The following RUNX2 variants were observed in gnomAD, a reference collection of about 807,000 sequenced individuals.
RUNX2 encodes the protein RUNX family transcription factor 2.
Under a neutral mutation model 51.7 loss-of-function variants are expected in RUNX2, and 10 were observed. That is an observed-to-expected ratio of 0.19 (90% CI 0.12 to 0.33). The LOEUF (loss-of-function observed/expected upper bound fraction) is 0.33, where lower values mean the gene tolerates loss of function less well. Ranked by LOEUF, RUNX2 falls within the 10% of genes least tolerant of loss-of-function variation. The pLI is 1.00. For missense variants in RUNX2, 562 were observed against 691.3 expected, an observed-to-expected ratio of 0.81 and a Z score of 2.10; for synonymous variants, 276 against 273.6, an observed-to-expected ratio of 1.01 and a Z score of -0.09.
intron 3 of RUNX2, among the ~76,000 whole-genome samples, chr6:45,427,526 A>T (rs1798416971): frequency 1.3e-5 from 2 of 152,264 alleles, no homozygotes; most frequent in South Asian, 4.1e-4. Context: ...ACTGTATTTG[A>T]AGTTATCTTT....
intron 6 of RUNX2, among the ~76,000 whole-genome samples, chr6:45,510,315 G>A (rs1300226277): frequency 6.6e-6 from 1 of 152,102 alleles, no homozygotes; most frequent in Non-Finnish European, 1.5e-5. Flanking sequence ...GCAAACTCAG[G>A]TAAATGTTCT....
chr6:45,511,621 C>G (rs572354436), intron 6 of RUNX2, among the ~76,000 whole-genome samples: 9 of 152,224 alleles, frequency 5.9e-5, no homozygotes, highest in South Asian at 2.1e-4. Flanking sequence ...GTTCATCTTA[C>G]GTGCTGCCCC....
At chr6:45,521,703 C>T (rs1010923586) in intron 7 of RUNX2, among the ~76,000 whole-genome samples, 1 of 152,130 alleles carries the variant, frequency 6.6e-6, no homozygotes, top group Non-Finnish European at 1.5e-5. Flanking sequence ...CCTGTATGCC[C>T]CACCTCTGCC....
chr6:45,405,643 G>A (rs1314907257), intron 2 of RUNX2, among the ~76,000 whole-genome samples: 1 of 152,114 alleles, frequency 6.6e-6, no homozygotes, highest in East Asian at 1.9e-4. Context: ...ACAAAAATTA[G>A]CCGGGCGGTG....
At chr6:45,358,684 T>C (rs1273839609) in intron 2 of RUNX2, among the ~76,000 whole-genome samples, 1 of 152,198 alleles carries the variant, frequency 6.6e-6, no homozygotes, top group African/African-American at 2.4e-5. Context: ...AGGTTCACAG[T>C]CTCTTATCTG....
At chr6:45,404,259 CA>C (rs34529128) in intron 2 of RUNX2, among the ~76,000 whole-genome samples, 20 of 27,684 alleles carry the variant, frequency 7.2e-4, no homozygotes, top group East Asian at 1.3e-3. Context: ...GACTCTGTCT[CA>C]AAAAAAAAAA....
intron 5 of RUNX2, among the ~76,000 whole-genome samples, chr6:45,450,628 G>C (rs1799141326): frequency 6.6e-6 from 1 of 152,176 alleles, no homozygotes; most frequent in African/African-American, 2.4e-5. Flanking sequence ...ACCTATTGAA[G>C]AGTGGTCCAA....
chr6:45,523,662 C>T (rs1054421941), intron 7 of RUNX2, among the ~76,000 whole-genome samples: 3 of 151,360 alleles, frequency 2.0e-5, no homozygotes, highest in Admixed American at 1.3e-4. Flanking sequence ...TAGGCTGGTG[C>T]GGTGGCTCAC....
chr6:45,506,453 C>T (rs963106658), intron 6 of RUNX2, among the ~76,000 whole-genome samples: 17 of 152,104 alleles, frequency 1.1e-4, no homozygotes, highest in African/African-American at 3.6e-4. Flanking sequence ...TCAGATTTCC[C>T]AAGCACTCAA....
At chr6:45,373,547 G>T (rs74867681) in intron 2 of RUNX2, among the ~76,000 whole-genome samples, 3,049 of 150,894 alleles carry the variant, frequency 0.02, 57 homozygotes, top group South Asian at 0.086. Context: ...AATATTATTT[G>T]TGTGTGTGTG....
intron 2 of RUNX2, among the ~76,000 whole-genome samples, chr6:45,405,554 C>T (rs1015272922): frequency 2.6e-5 from 4 of 152,200 alleles, no homozygotes; most frequent in East Asian, 3.9e-4. Flanking sequence ...TTTGGGAGGC[C>T]GAGGCAGGGG....
chr6:45,392,153 A>G (rs912043397), intron 2 of RUNX2, among the ~76,000 whole-genome samples: 1 of 152,186 alleles, frequency 6.6e-6, no homozygotes, highest in African/African-American at 2.4e-5. Context: ...GCCTTCAAGA[A>G]ATCTGCACGC....
intron 2 of RUNX2, among the ~76,000 whole-genome samples, chr6:45,352,659 T>C (rs73735384): frequency 6.6e-6 from 1 of 152,176 alleles, no homozygotes. Flanking sequence ...ATGGAGCAAC[T>C]GTACCTAGTA....
At chr6:45,534,306 A>C (rs939914540) in intron 7 of RUNX2, among the ~76,000 whole-genome samples, 4 of 152,166 alleles carry the variant, frequency 2.6e-5, no homozygotes, top group Non-Finnish European at 5.9e-5. Context: ...TCAGCTCTGC[A>C]CTAATGAGCT....
chr6:45,485,669 A>ATG (rs1229585406), intron 5 of RUNX2, among the ~76,000 whole-genome samples: 27 of 119,362 alleles, frequency 2.3e-4, no homozygotes, highest in African/African-American at 7.6e-4. Flanking sequence ...GTGCATGGAT[A>ATG]TGTATGTGTG....
intron 2 of RUNX2, among the ~76,000 whole-genome samples, chr6:45,337,414 T>C (rs927813657): frequency 6.6e-6 from 1 of 151,828 alleles, no homozygotes; most frequent in African/African-American, 2.4e-5. Context: ...ATTTAAAATA[T>C]ATAATTAAAT....
intron 4 of RUNX2, among the ~76,000 whole-genome samples, chr6:45,436,921 G>A (rs1798700852): frequency 6.6e-6 from 1 of 152,186 alleles, no homozygotes. Flanking sequence ...CAGACTGAAT[G>A]AGTACTCTGG....
chr6:45,422,745 C>G lies in RUNX2; in HGVS notation c.211C>G (p.Gln71Glu), dbSNP rs774631263. ...GCAGCAGCAACAGCAGCAGCAGCAG[C>G]AGGAGGCGGCGGCGGCGGCTGCGGC... is the stretch of plus-strand genomic sequence containing the variant. ...QQQQQQQQQQQEAAAAAAAAA... is the reference protein window; with the variant it reads ...QQQQQQQQQQEEAAAAAAAAA... The change falls in exon 3 of 9, where the codon CAG (glutamine) becomes GAG (glutamate). Residue 71 changes from glutamine (Q) to glutamate (E), a missense_variant. Gln to Glu is a conservative substitution (Grantham distance 29, BLOSUM62 2). Transcript: ENST00000647337. The G allele has an allele frequency of 2.1e-5, 32 of 1,538,966 alleles. No individual in the cohort carries two copies. The highest frequency in any genetic ancestry group is 6.2e-5 in the South Asian group (5 of 81,298).
chr6:45,348,130 T>C (rs563068050), intron 2 of RUNX2, among the ~76,000 whole-genome samples: 76 of 152,040 alleles, frequency 5.0e-4, no homozygotes, highest in African/African-American at 1.7e-3. Flanking sequence ...CTCATTTCCA[T>C]AGAAATGAGA....
Sources: gnomAD v4.1 joint callset for allele counts (sites outside exome capture counted in the v4.1 genomes callset) on GRCh38, gnomAD v4.1.1 for gene constraint, MANE v1.5 for transcripts, NCBI Gene and HGNC (gene_info 2026-07-23, HGNC 2026-07-21) for gene names.